Variants in LRMDA observed in about 807,000 individuals in gnomAD.
The protein encoded by LRMDA is leucine-rich melanocyte differentiation-associated protein.
LRMDA carries 18 observed loss-of-function variants against 29.8 expected under a neutral mutation model. That is an observed-to-expected ratio of 0.60 (90% confidence interval 0.42 to 0.90). The LOEUF is 0.90. Ranked by LOEUF, LRMDA falls within the 40% of genes least tolerant of loss-of-function variation. LRMDA has a pLI of 0.00. For synonymous variants in LRMDA, 125 were observed against 109.4 expected, an observed-to-expected ratio of 1.14 and a Z score of -0.89; for missense variants, 273 against 273.9, an observed-to-expected ratio of 1.00 and a Z score of 0.02.
At chr10:75,968,362 C>T (rs777104107) in intron 2 of LRMDA, among the ~76,000 whole-genome samples, 6 of 152,088 alleles carry the variant, frequency 3.9e-5, no homozygotes, top group Non-Finnish European at 8.8e-5. Flanking sequence ...GTTCCTTGGC[C>T]GGGAGACCAG....
chr10:76,525,371 A>G (rs991546292), intron 6 of LRMDA, among the ~76,000 whole-genome samples: 2 of 152,302 alleles, frequency 1.3e-5, no homozygotes, highest in African/African-American at 2.4e-5. Flanking sequence ...ACTGTTAACC[A>G]TGATGACATC....
chr10:75,798,712 T>A (rs1843695998), intron 2 of LRMDA, among the ~76,000 whole-genome samples: 2 of 152,264 alleles, frequency 1.3e-5, no homozygotes, highest in South Asian at 4.1e-4. Context: ...GTGATTTCTT[T>A]TTACATCCCT....
At chr10:76,088,056 G>T (rs1226029470) in intron 5 of LRMDA, among the ~76,000 whole-genome samples, 1 of 152,144 alleles carries the variant, frequency 6.6e-6, no homozygotes, top group Non-Finnish European at 1.5e-5. Flanking sequence ...GGAGGTTGAG[G>T]CTACAGTGAG....
rs576721292 is a variant in LRMDA, at chr10:76,200,916, C to T, written c.517-123485C>T. On this transcript the variant is annotated intron_variant, in intron 5 of 6. Coordinates refer to ENST00000611255, the MANE Select transcript of LRMDA (RefSeq NM_001305581.2). ...TATTTCAGTAGAGATGGGGTTTCGC[C>T]ATGTTGGCCAGGCTGGTCTCAAATT... Among the ~76,000 whole-genome samples, 285 of 151,192 alleles carry T rather than the reference C, an allele frequency of 1.9e-3. 1 individual carries two copies. Among genetic ancestry groups the T allele is most frequent in the Non-Finnish European group, 3.4e-3 (229 of 67,782 alleles).
intron 2 of LRMDA, among the ~76,000 whole-genome samples, chr10:75,990,930 T>G (rs2132459104): frequency 6.6e-6 from 1 of 150,752 alleles, no homozygotes; most frequent in Middle Eastern, 3.4e-3. Flanking sequence ...GGAGGCTTGT[T>G]TGGATTCCAA....
At chr10:76,004,254 A>C (rs1414574819) in intron 2 of LRMDA, among the ~76,000 whole-genome samples, 1 of 152,210 alleles carries the variant, frequency 6.6e-6, no homozygotes, top group African/African-American at 2.4e-5. Context: ...TCCAATTTTA[A>C]ATATGTTTAG....
intron 6 of LRMDA, among the ~76,000 whole-genome samples, chr10:76,544,907 CT>C (rs1302577855): frequency 6.6e-6 from 1 of 152,154 alleles, no homozygotes; most frequent in Non-Finnish European, 1.5e-5. Context: ...AAGCAAACTT[CT>C]TTCGGTTAGA....
chr10:75,942,503 G>T (rs1846409077), intron 2 of LRMDA, among the ~76,000 whole-genome samples: 1 of 152,168 alleles, frequency 6.6e-6, no homozygotes, highest in African/African-American at 2.4e-5. Flanking sequence ...GGGCTCGGTA[G>T]TTAACCACTT....
At chr10:75,787,756 G>A (rs1843497084) in intron 2 of LRMDA, among the ~76,000 whole-genome samples, 2 of 152,238 alleles carry the variant, frequency 1.3e-5, no homozygotes, top group Non-Finnish European at 2.9e-5. Flanking sequence ...AGGGGTGGGC[G>A]AGGTGGCTTG....
At chr10:75,576,100 GCAAGCTAAGATCCA>G (rs1410663409) in intron 2 of LRMDA, among the ~76,000 whole-genome samples, 1 of 152,088 alleles carries the variant, frequency 6.6e-6, no homozygotes, top group African/African-American at 2.4e-5. Context: ...TGAAAGCCCA[GCAAGCTAAGATCCA>G]CTGGCTTGAA....
intron 2 of LRMDA, among the ~76,000 whole-genome samples, chr10:75,902,864 G>A (rs889504908): frequency 5.9e-5 from 9 of 152,086 alleles, no homozygotes; most frequent in Non-Finnish European, 1.0e-4. Context: ...ACAACCCCCC[G>A]TGCTGCTCCT....
At chr10:75,869,531 T>G (rs533260035) in intron 2 of LRMDA, among the ~76,000 whole-genome samples, 1 of 152,322 alleles carries the variant, frequency 6.6e-6, no homozygotes, top group African/African-American at 2.4e-5. Flanking sequence ...ATTTTCAGCT[T>G]CTTCTATTCC....
chr10:75,466,512 G>T (rs1337740165), intron 2 of LRMDA, among the ~76,000 whole-genome samples: 2 of 152,198 alleles, frequency 1.3e-5, no homozygotes, highest in Non-Finnish European at 2.9e-5. Flanking sequence ...GGGCTGTTCT[G>T]TGAGCATTAA....
At chr10:75,928,029 AAGTTTT>A (rs1169873405) in intron 2 of LRMDA, among the ~76,000 whole-genome samples, 1 of 148,580 alleles carries the variant, frequency 6.7e-6, no homozygotes, top group African/African-American at 2.5e-5. Flanking sequence ...ACCACTCAGT[AAGTTTT>A]AGTTTAACAT....
chr10:75,442,230 A>G (rs1844334302), intron 2 of LRMDA, among the ~76,000 whole-genome samples: 1 of 152,254 alleles, frequency 6.6e-6, no homozygotes, highest in South Asian at 2.1e-4. Context: ...GCTGAAGCTA[A>G]TTAACATATC....
chr10:76,478,090 G>C (rs1037229514), intron 6 of LRMDA, among the ~76,000 whole-genome samples: 14 of 152,124 alleles, frequency 9.2e-5, no homozygotes, highest in African/African-American at 2.9e-4. Flanking sequence ...CACAGCAAAA[G>C]AAACTACCAT....
intron 2 of LRMDA, among the ~76,000 whole-genome samples, chr10:76,004,563 T>A (rs998245695): frequency 6.6e-5 from 10 of 152,196 alleles, no homozygotes; most frequent in African/African-American, 2.2e-4. Context: ...GGCCACAGAC[T>A]GGCCACCCCC....
chr10:75,798,731 A>G (rs1239188681), intron 2 of LRMDA, among the ~76,000 whole-genome samples: 1 of 152,048 alleles, frequency 6.6e-6, no homozygotes, highest in African/African-American at 2.4e-5. Context: ...CTGATGTTTT[A>G]GAAGTGTATA....
intron 2 of LRMDA, among the ~76,000 whole-genome samples, chr10:75,670,539 G>C (rs1554819346): frequency 1.3e-5 from 2 of 152,210 alleles, no homozygotes; most frequent in Non-Finnish European, 1.5e-5. Flanking sequence ...CATGTAGATG[G>C]TGAGGAGCTG....
Sources: allele counts gnomAD v4.1 joint callset (sites outside exome capture counted in the v4.1 genomes callset), GRCh38; gene constraint gnomAD v4.1.1; transcripts MANE v1.5; gene names NCBI Gene and HGNC (gene_info 2026-07-23, HGNC 2026-07-21).